Variants in FSTL4 observed in about 807,000 individuals in gnomAD.
The protein encoded by FSTL4 is follistatin-related protein 4.
A neutral mutation model predicts 78.2 loss-of-function variants in FSTL4; 28 were observed. The ratio of observed to expected loss-of-function variants is 0.36; its 90% CI spans 0.27 to 0.49. The LOEUF is 0.49. Among genes scored for constraint, FSTL4 ranks in the 20% least tolerant of loss-of-function variants. The probability of loss-of-function intolerance (pLI) is 0.98; values close to 1 mark genes in which losing one functional copy is unlikely to be tolerated. For synonymous variants in FSTL4, 422 were observed against 440.5 expected (o/e 0.96, Z 0.53); for missense variants, 922 against 1,084.9 (o/e 0.85, Z 2.11).
At chr5:133,565,014 G>A (rs542175161) in intron 3 of FSTL4, among the ~76,000 whole-genome samples, 1 of 152,122 alleles carries the variant, frequency 6.6e-6, no homozygotes. Context: ...TCCTGAGTCA[G>A]GTACAGTATT....
intron 4 of FSTL4, among the ~76,000 whole-genome samples, chr5:133,330,091 T>G (rs1027015975): frequency 2.6e-5 from 4 of 152,224 alleles, no homozygotes; most frequent in Non-Finnish European, 5.9e-5. Flanking sequence ...AGGTTCTGTT[T>G]GCAGCTGTTG....
chr5:133,745,437 G>T, the FSTL4 span, among the ~76,000 whole-genome samples: 1 of 152,238 alleles, frequency 6.6e-6, no homozygotes, highest in Non-Finnish European at 1.5e-5. Context: ...CTGCTGGTGG[G>T]GGGTAGAGGG....
chr5:133,825,617 C>G, the FSTL4 span, among the ~76,000 whole-genome samples: 10 of 152,234 alleles, frequency 6.6e-5, no homozygotes, highest in East Asian at 1.2e-3. Flanking sequence ...GAGCCACCAA[C>G]TCCTAACAAG....
At chr5:133,371,313 G>C (rs1755292543) in intron 4 of FSTL4, among the ~76,000 whole-genome samples, 1 of 152,220 alleles carries the variant, frequency 6.6e-6, no homozygotes, top group Admixed American at 6.5e-5. Flanking sequence ...CTTTCCCAAG[G>C]CCCTCACCGC....
chr5:133,259,691 G>A (rs1160417624), intron 6 of FSTL4, among the ~76,000 whole-genome samples: 18 of 151,948 alleles, frequency 1.2e-4, no homozygotes, highest in African/African-American at 4.1e-4. Flanking sequence ...TGGGAGAGAG[G>A]GAAAAAATGC....
At chr5:133,625,567 T>C in the FSTL4 span, among the ~76,000 whole-genome samples, 1 of 150,216 alleles carries the variant, frequency 6.7e-6, no homozygotes, top group Non-Finnish European at 1.5e-5. Context: ...AAATAACTCT[T>C]TGTTTCATTG....
chr5:133,623,808 G>A, the FSTL4 span, among the ~76,000 whole-genome samples: 2,311 of 152,016 alleles, frequency 0.015, 39 homozygotes, highest in Admixed American at 0.059. Context: ...TAAAAGCTAG[G>A]CAGAGGACTT....
At chr5:133,759,306 T>G in the FSTL4 span, among the ~76,000 whole-genome samples, 10 of 152,200 alleles carry the variant, frequency 6.6e-5, no homozygotes, top group East Asian at 1.9e-3. Context: ...TACTCAATGG[T>G]GGAGGTGGAA....
intron 6 of FSTL4, among the ~76,000 whole-genome samples, chr5:133,260,580 T>C (rs890850253): frequency 6.6e-6 from 1 of 152,134 alleles, no homozygotes; most frequent in African/African-American, 2.4e-5. Flanking sequence ...GCTCACAGCC[T>C]CCCGGCCCCT....
chr5:133,249,400 G>C lies in FSTL4; in HGVS notation c.894+10C>G. 3.1e-6 allele frequency: 5 copies of C among 1,611,376 alleles called. No individual in the cohort carries two copies. The highest frequency in any genetic ancestry group is 4.2e-6 in the Non-Finnish European group (5 of 1,177,500). On this transcript the variant is annotated intron_variant, in intron 7 of 15. Coordinates refer to ENST00000265342, the MANE Select transcript of FSTL4 (RefSeq NM_015082.2). ...GCGCTTGAGCTCAGAGTGAATTCCA[G>C]GTGACTTACATTGATGTCTTCCAAG...
intron 3 of FSTL4, among the ~76,000 whole-genome samples, chr5:133,542,374 T>C (rs1479521224): frequency 1.3e-5 from 2 of 152,344 alleles, no homozygotes; most frequent in African/African-American, 2.4e-5. Flanking sequence ...CTGCTAAATA[T>C]AGTTTGCTAA....
At chr5:133,645,326 G>A in the FSTL4 span, among the ~76,000 whole-genome samples, 1 of 152,138 alleles carries the variant, frequency 6.6e-6, no homozygotes, top group South Asian at 2.1e-4. Flanking sequence ...AGGTGTGCAT[G>A]GTTCTAGGAT....
chr5:133,639,057 G>C, the FSTL4 span, among the ~76,000 whole-genome samples: 1 of 151,978 alleles, frequency 6.6e-6, no homozygotes, highest in African/African-American at 2.4e-5. Context: ...GTGGTTTGCT[G>C]CACTTATCAA....
chr5:133,287,644 C>T (rs932523208), intron 6 of FSTL4, among the ~76,000 whole-genome samples: 20 of 152,288 alleles, frequency 1.3e-4, no homozygotes, highest in Middle Eastern at 6.8e-3. Flanking sequence ...TGTTCTTGGC[C>T]TCTCATTCCA....
intron 3 of FSTL4, among the ~76,000 whole-genome samples, chr5:133,441,374 G>A (rs572631322): frequency 2.0e-5 from 3 of 152,308 alleles, no homozygotes; most frequent in South Asian, 2.1e-4. Context: ...GTAGCACCCC[G>A]AGGGGAGACA....
At chr5:133,240,004 T>TA (rs1561637500) in intron 7 of FSTL4, among the ~76,000 whole-genome samples, 1 of 152,224 alleles carries the variant, frequency 6.6e-6, no homozygotes, top group African/African-American at 2.4e-5. Flanking sequence ...ACGCTGGGAT[T>TA]CCTTTCCACG....
At chr5:133,218,986 T>C (rs1340081976) in intron 12 of FSTL4, among the ~76,000 whole-genome samples, 1 of 152,202 alleles carries the variant, frequency 6.6e-6, no homozygotes, top group Non-Finnish European at 1.5e-5. Context: ...ACAGAATAAA[T>C]GAGTGTAAAA....
chr5:133,635,149 C>T, the FSTL4 span, among the ~76,000 whole-genome samples: 75 of 151,690 alleles, frequency 4.9e-4, no homozygotes, highest in African/African-American at 1.8e-3. Flanking sequence ...GAAAGCAGGC[C>T]CCTGCTAGTT....
At chr5:133,737,975 G>A in the FSTL4 span, among the ~76,000 whole-genome samples, 1 of 152,290 alleles carries the variant, frequency 6.6e-6, no homozygotes, top group East Asian at 1.9e-4. Flanking sequence ...AGGAGGGGCT[G>A]AGGACACCCT....
Sources: allele counts gnomAD v4.1 joint callset (sites outside exome capture counted in the v4.1 genomes callset), GRCh38; gene constraint gnomAD v4.1.1; transcripts MANE v1.5; gene names NCBI Gene and HGNC (gene_info 2026-07-23, HGNC 2026-07-21).